FRMD4A: variants seen among roughly 807,000 people sequenced by gnomAD.
FRMD4A encodes the protein FERM domain containing 4A.
In FRMD4A, 29 loss-of-function variants were observed where a neutral mutation model predicts 129.1. The ratio of observed to expected loss-of-function variants is 0.22; its 90% CI spans 0.17 to 0.31. FRMD4A has a LOEUF of 0.31. Ranked by LOEUF, FRMD4A falls within the 10% of genes least tolerant of loss-of-function variation. The pLI, the probability that FRMD4A is intolerant of heterozygous loss-of-function variation, is 1.00. For missense variants in FRMD4A, 1,272 were observed against 1,375.8 expected (o/e 0.92, Z 1.19); for synonymous variants, 634 against 571.6 (o/e 1.11, Z -1.56).
chr10:14,240,776 C>A (rs1844013985), intron 2 of FRMD4A, among the ~76,000 whole-genome samples: 1 of 152,162 alleles, frequency 6.6e-6, no homozygotes, highest in South Asian at 2.1e-4. Flanking sequence ...CATTCTCTTT[C>A]CTGTTTAATA....
At chr10:14,162,641 G>GTTTTTTTTTTTTTTTTTTTTTTTTTT (rs71388160) in intron 2 of FRMD4A, among the ~76,000 whole-genome samples, 1 of 118,398 alleles carries the variant, frequency 8.4e-6, no homozygotes, top group African/African-American at 3.5e-5. Flanking sequence ...TTTTTTTTTT[G>GTTTTTTTTTTTTTTTTTTTTTTTTTT]TTTTTTTTTT....
intron 12 of FRMD4A, among the ~76,000 whole-genome samples, chr10:13,733,249 TG>T (rs1352884303): frequency 6.6e-6 from 1 of 152,226 alleles, no homozygotes; most frequent in Non-Finnish European, 1.5e-5. Context: ...GTGATGAGGT[TG>T]GCAATGCAAG....
chr10:14,132,395 T>G (rs1335509029), intron 2 of FRMD4A, among the ~76,000 whole-genome samples: 1 of 152,154 alleles, frequency 6.6e-6, no homozygotes. Flanking sequence ...ATGAGAAGTA[T>G]TGAGGGAAAA....
Position 14,002,508 on chromosome 10 carries a change from T to A in FRMD4A, c.46-143596A>T, listed in dbSNP as rs190590238. Among the ~76,000 whole-genome samples the A allele has an allele frequency of 4.5e-4, 69 of 152,342 alleles. 1 individual carries two copies. The Middle Eastern group carries it at 0.02, about 45-fold the overall frequency. Reference sequence around the variant, plus strand: ...AGTGTAGGTCTTAATTCTGATCCTCTTCTCGAATTTGCTCACTGACAGTTT... The same window carrying A: ...AGTGTAGGTCTTAATTCTGATCCTCATCTCGAATTTGCTCACTGACAGTTT... On this transcript the variant is annotated intron_variant, in intron 2 of 24. Transcript: ENST00000357447.
At chr10:13,947,253 T>G (rs1372077099) in intron 2 of FRMD4A, among the ~76,000 whole-genome samples, 4 of 152,098 alleles carry the variant, frequency 2.6e-5, no homozygotes, top group Non-Finnish European at 5.9e-5. Flanking sequence ...AAGAGGCAAG[T>G]TTGGAGATAT....
chr10:14,102,189 A>G lies in FRMD4A; in HGVS notation c.45+227869T>C, dbSNP rs1837341241. The stretch of plus-strand genomic sequence containing the variant: ...GCCTAAGGTTTCCTCACCAGCTGTA[A>G]GTCTCCTGGAATACCTTCACAGCAT... On this transcript the variant is annotated intron_variant, in intron 2 of 24. Transcript: ENST00000357447. Among the ~76,000 whole-genome samples the G allele has an allele frequency of 2.0e-5, 3 of 152,184 alleles. 1 individual carries two copies. The highest frequency in any genetic ancestry group is 6.5e-5 in the Admixed American group (1 of 15,274).
At chr10:13,942,099 A>G (rs557617142) in intron 2 of FRMD4A, among the ~76,000 whole-genome samples, 8 of 152,248 alleles carry the variant, frequency 5.3e-5, no homozygotes, top group Middle Eastern at 6.8e-3. Context: ...AATGGTGTCA[A>G]GTTTTCATGG....
At chr10:13,761,543 A>G in intron 8 of FRMD4A, 104 bp downstream of exon 8, 1 of 765,442 alleles carries the variant, frequency 1.3e-6, no homozygotes, top group Non-Finnish European at 2.2e-6. Flanking sequence ...AACATATAAC[A>G]TGAATAAATT....
intron 2 of FRMD4A, among the ~76,000 whole-genome samples, chr10:14,095,506 C>T (rs558109226): frequency 6.6e-6 from 1 of 152,320 alleles, no homozygotes; most frequent in African/African-American, 2.4e-5. Context: ...ATTAATATAA[C>T]AATGCATAAA....
At position 13,701,491 on chromosome 10, in the gene FRMD4A, G is replaced by C. The variant is rs2086825317; in HGVS notation, c.837-13C>G. 3.7e-6 allele frequency: 6 copies of C among 1,610,610 alleles called. No homozygotes were observed. Among genetic ancestry groups the C allele is most frequent in the Non-Finnish European group, 5.1e-6 (6 of 1,177,826 alleles). ...TGTCACTGAAGCCCTGGGGAAGCAA[G>C]AATCACAAGGTTCAATCCCATTTCT... is the stretch of plus-strand genomic sequence containing the variant. On this transcript the variant is annotated splice_polypyrimidine_tract_variant and intron_variant, in intron 13 of 24. Transcript: ENST00000357447.
At chr10:14,126,486 C>T (rs959096056) in intron 2 of FRMD4A, among the ~76,000 whole-genome samples, 2 of 152,062 alleles carry the variant, frequency 1.3e-5, no homozygotes, top group Middle Eastern at 3.2e-3. Flanking sequence ...CCCACTTTTA[C>T]CTACTCAGTT....
At chr10:13,835,491 C>T (rs1476116747) in intron 3 of FRMD4A, among the ~76,000 whole-genome samples, 4 of 152,262 alleles carry the variant, frequency 2.6e-5, no homozygotes, top group South Asian at 4.1e-4. Flanking sequence ...GTGAGTGAAG[C>T]TTCATCTGTA....
chr10:14,106,697 C>T (rs12258644), intron 2 of FRMD4A, among the ~76,000 whole-genome samples: 17,384 of 152,138 alleles, frequency 0.11, 3,110 homozygotes, highest in African/African-American at 0.38. Flanking sequence ...ACTACCAACA[C>T]CAAAGTGACT....
chr10:13,734,026 C>T lies in FRMD4A; in HGVS notation c.759+3818G>A, dbSNP rs888631091. 2.6e-5 allele frequency among the ~76,000 whole-genome samples: 4 copies of T among 152,288 alleles called. No homozygotes were observed. The East Asian group carries it at 5.8e-4, about 22-fold the overall frequency. On this transcript the variant is annotated intron_variant, in intron 12 of 24. Transcript: ENST00000357447. The stretch of plus-strand genomic sequence containing the variant: ...CACCTGGATGTCCCATCAAGCCTGC[C>T]GCGTTGCATGTCCTAAGCTGCACTC...
intron 3 of FRMD4A, among the ~76,000 whole-genome samples, chr10:13,815,574 T>TA (rs1224169448): frequency 4.0e-5 from 6 of 150,606 alleles, no homozygotes; most frequent in Admixed American, 4.0e-4. Context: ...TTGACACAAT[T>TA]AAAAAAAAAG....
intron 3 of FRMD4A, among the ~76,000 whole-genome samples, chr10:13,856,951 C>T (rs549976525): frequency 1.3e-5 from 2 of 152,198 alleles, no homozygotes; most frequent in East Asian, 1.9e-4. Flanking sequence ...ATAAACTCTT[C>T]GCACTGAGTC....
At chr10:14,156,297 C>G (rs972637644) in intron 2 of FRMD4A, among the ~76,000 whole-genome samples, 1 of 151,932 alleles carries the variant, frequency 6.6e-6, no homozygotes, top group Non-Finnish European at 1.5e-5. Flanking sequence ...TACACACCCA[C>G]GATGAATTAA....
At chr10:13,996,254 C>A (rs2095622210) in intron 2 of FRMD4A, among the ~76,000 whole-genome samples, 1 of 152,286 alleles carries the variant, frequency 6.6e-6, no homozygotes, top group African/African-American at 2.4e-5. Context: ...AACATTCAGA[C>A]CATAGCATAT....
intron 21 of FRMD4A, among the ~76,000 whole-genome samples, chr10:13,657,870 G>A (rs2082308433): frequency 6.6e-6 from 1 of 150,808 alleles, no homozygotes; most frequent in African/African-American, 2.5e-5. Flanking sequence ...GATAGGGCTG[G>A]GCACTGTGGT....
Sources: allele counts gnomAD v4.1 joint callset (sites outside exome capture counted in the v4.1 genomes callset), GRCh38; gene constraint gnomAD v4.1.1; transcripts MANE v1.5; gene names NCBI Gene and HGNC (gene_info 2026-07-23, HGNC 2026-07-21).